Variants in COL25A1 observed in about 807,000 individuals in gnomAD.
The protein encoded by COL25A1 is collagen alpha-1(XXV) chain.
In COL25A1, 103 loss-of-function variants were observed where a neutral mutation model predicts 128.4. The ratio of observed to expected loss-of-function variants is 0.80; its 90% CI spans 0.68 to 0.94. COL25A1 has a LOEUF of 0.94. Ranked by LOEUF, COL25A1 falls within the 40% of genes least tolerant of loss-of-function variation. The pLI is 0.00. For missense variants in COL25A1, 745 were observed against 840.0 expected (o/e 0.89, Z 1.40); for synonymous variants, 279 against 277.2 (o/e 1.01, Z -0.06).
At chr4:109,206,334 C>T (rs1316684558) in intron 3 of COL25A1, among the ~76,000 whole-genome samples, 2 of 152,120 alleles carry the variant, frequency 1.3e-5, no homozygotes, top group African/African-American at 4.8e-5. Flanking sequence ...CTTCTCTCTC[C>T]ATAAAAATGG....
At chr4:109,072,848 T>C (rs563910511) in intron 3 of COL25A1, among the ~76,000 whole-genome samples, 2 of 152,276 alleles carry the variant, frequency 1.3e-5, no homozygotes, top group East Asian at 3.9e-4. Flanking sequence ...GTTGCATAAC[T>C]CTACAGGGGG....
chr4:108,849,782 A>C (rs1236678013), intron 26 of COL25A1, among the ~76,000 whole-genome samples: 1 of 152,178 alleles, frequency 6.6e-6, no homozygotes, highest in African/African-American at 2.4e-5. Context: ...ATTTTCTAGA[A>C]AGGCCTGTTT....
chr4:109,071,632 G>T (rs1485557988), intron 3 of COL25A1, among the ~76,000 whole-genome samples: 1 of 152,136 alleles, frequency 6.6e-6, no homozygotes, highest in Non-Finnish European at 1.5e-5. Context: ...CAAAAAGTGG[G>T]CAAAGGTTAT....
At chr4:108,909,038 G>A (rs772920208) in intron 13 of COL25A1, among the ~76,000 whole-genome samples, 1 of 152,144 alleles carries the variant, frequency 6.6e-6, no homozygotes, top group East Asian at 1.9e-4. Flanking sequence ...CCGGAATAAC[G>A]GCTGGTAACA....
intron 3 of COL25A1, among the ~76,000 whole-genome samples, chr4:109,150,602 T>C (rs1771405499): frequency 6.6e-6 from 1 of 152,156 alleles, no homozygotes; most frequent in East Asian, 1.9e-4. Context: ...CAGCAGAATA[T>C]AAGATAGGAA....
intron 19 of COL25A1, among the ~76,000 whole-genome samples, chr4:108,869,459 C>T (rs898769862): frequency 3.9e-5 from 6 of 152,096 alleles, no homozygotes; most frequent in Non-Finnish European, 8.8e-5. Flanking sequence ...GACAGAAGTA[C>T]AGGTAACCTG....
intron 8 of COL25A1, among the ~76,000 whole-genome samples, chr4:108,950,423 A>G (rs747958940): frequency 2.0e-5 from 3 of 152,188 alleles, no homozygotes; most frequent in Non-Finnish European, 2.9e-5. Flanking sequence ...GAAGTAGCAG[A>G]AAGATTCCCA....
chr4:108,956,014 T>C (rs1349711920), intron 8 of COL25A1, among the ~76,000 whole-genome samples: 1 of 152,194 alleles, frequency 6.6e-6, no homozygotes. Flanking sequence ...CGTATCATTT[T>C]TTTGGGAACT....
chr4:109,235,148 A>C (rs2126224732), intron 3 of COL25A1, among the ~76,000 whole-genome samples: 1 of 152,160 alleles, frequency 6.6e-6, no homozygotes, highest in East Asian at 1.9e-4. Context: ...CTCAGGAATA[A>C]ATTTTTGACC....
At chr4:108,897,414 T>C (rs1274799122) in intron 15 of COL25A1, among the ~76,000 whole-genome samples, 1 of 152,238 alleles carries the variant, frequency 6.6e-6, no homozygotes, top group African/African-American at 2.4e-5. Flanking sequence ...ATTCGTTTAT[T>C]ATCTTCCTTA....
At chr4:109,055,827 A>G (rs1761402982) in intron 3 of COL25A1, among the ~76,000 whole-genome samples, 1 of 152,210 alleles carries the variant, frequency 6.6e-6, no homozygotes, top group Non-Finnish European at 1.5e-5. Flanking sequence ...AAAAATCACA[A>G]TTACTTTTGC....
chr4:108,957,176 T>A (rs1750168769), intron 8 of COL25A1, among the ~76,000 whole-genome samples: 1 of 152,102 alleles, frequency 6.6e-6, no homozygotes, highest in Non-Finnish European at 1.5e-5. Context: ...CTATACATTA[T>A]CCTTTAAGGA....
chr4:108,834,486 A>C (rs1378837225), intron 31 of COL25A1: 9 of 1,054,598 alleles, frequency 8.5e-6, no homozygotes, highest in Non-Finnish European at 1.3e-5. Flanking sequence ...GTAACACTTC[A>C]AACAACATAA....
chr4:109,211,988 C>T (rs1329957464), intron 3 of COL25A1, among the ~76,000 whole-genome samples: 1 of 152,100 alleles, frequency 6.6e-6, no homozygotes, highest in Admixed American at 6.6e-5. Context: ...CTTGGAGTAA[C>T]TAACTCTGAG....
chr4:109,118,638 T>A (rs1767825750), intron 3 of COL25A1, among the ~76,000 whole-genome samples: 1 of 151,958 alleles, frequency 6.6e-6, no homozygotes, highest in African/African-American at 2.4e-5. Context: ...AATAGAGTTT[T>A]ACATAATAAT....
chr4:108,861,982 A>ATTT (rs912617741), intron 22 of COL25A1, among the ~76,000 whole-genome samples: 1 of 152,104 alleles, frequency 6.6e-6, no homozygotes, highest in African/African-American at 2.4e-5. Flanking sequence ...TCTTGCACAC[A>ATTT]TTTTTTTCCA....
At chr4:109,280,677 G>C (rs1413256720) in intron 3 of COL25A1, among the ~76,000 whole-genome samples, 1 of 150,724 alleles carries the variant, frequency 6.6e-6, no homozygotes, top group Non-Finnish European at 1.5e-5. Context: ...TTTTGAGACA[G>C]AGTCTTGCTC....
chr4:109,160,250 A>C lies in COL25A1; in HGVS notation c.368-110071T>G, dbSNP rs185821537. Among the ~76,000 whole-genome samples the C allele has an allele frequency of 2.9e-4, 44 of 152,318 alleles. No homozygotes were observed. In the Middle Eastern group the frequency reaches 0.01, roughly 35 times the overall value. ...AGTCAAGATATATCCATGAGTAAATAAAGGTCTGAGAAGAAACACAATCAC... is the reference window on the plus strand; with the variant it reads ...AGTCAAGATATATCCATGAGTAAATCAAGGTCTGAGAAGAAACACAATCAC... On this transcript the variant is annotated intron_variant, in intron 3 of 37. Transcript: ENST00000399132.
At chr4:109,182,513 G>T (rs1490517190) in intron 3 of COL25A1, among the ~76,000 whole-genome samples, 1 of 152,090 alleles carries the variant, frequency 6.6e-6, no homozygotes, top group African/African-American at 2.4e-5. Context: ...ATATGTAAGT[G>T]TTTAAAAGTA....
Sources: allele counts gnomAD v4.1 joint callset (sites outside exome capture counted in the v4.1 genomes callset), GRCh38; gene constraint gnomAD v4.1.1; transcripts MANE v1.5; gene names NCBI Gene and HGNC (gene_info 2026-07-23, HGNC 2026-07-21).